Variants in LRCH3 observed in about 807,000 individuals in gnomAD.
LRCH3 encodes the protein DISP complex protein LRCH3.
In LRCH3, 68 loss-of-function variants were observed where a neutral mutation model predicts 104.5. The ratio of observed to expected loss-of-function variants is 0.65; its 90% CI spans 0.54 to 0.80. LRCH3 has a LOEUF of 0.80. Ranked by LOEUF, LRCH3 falls within the 30% of genes least tolerant of loss-of-function variation. LRCH3 has a pLI of 0.00. For synonymous variants in LRCH3, 344 were observed against 361.3 expected, an observed-to-expected ratio of 0.95 and a Z score of 0.54; for missense variants, 951 against 953.9, an observed-to-expected ratio of 1.00 and a Z score of 0.04.
At chr3:197,857,777 C>G (rs1480348331) in intron 14 of LRCH3, among the ~76,000 whole-genome samples, 2 of 152,124 alleles carry the variant, frequency 1.3e-5, no homozygotes, top group African/African-American at 4.8e-5. Context: ...CACAGTTTTG[C>G]TCTTTGGTAT....
rs149490592 is a variant in LRCH3 at position 197,807,298 on chromosome 3, G to A, written c.263-7610G>A. Among the ~76,000 whole-genome samples, 41 of 150,732 alleles carry A rather than the reference G, an allele frequency of 2.7e-4. No homozygotes were observed. The East Asian group carries it at 7.2e-3, about 26-fold the overall frequency. On this transcript the variant is annotated intron_variant, in intron 1 of 20. Transcript: ENST00000425562. ...GTGGCGCGATCTCGGGTCACTGCCA[G>A]CTCCGCCTCTCGGGTTCACACCATT...
chr3:197,866,743 C>T (rs1400202921), intron 17 of LRCH3, among the ~76,000 whole-genome samples: 1 of 152,072 alleles, frequency 6.6e-6, no homozygotes, highest in East Asian at 1.9e-4. Flanking sequence ...TGCTTGAGCC[C>T]AGGACTTCAG....
chr3:197,863,415 C>T (rs2109477602), intron 15 of LRCH3, among the ~76,000 whole-genome samples: 1 of 152,272 alleles, frequency 6.6e-6, no homozygotes, highest in East Asian at 1.9e-4. Context: ...GCGCCACCAC[C>T]ATGCCCACCT....
At chr3:197,844,679 GC>G (rs1444269954) in intron 10 of LRCH3, among the ~76,000 whole-genome samples, 2 of 151,742 alleles carry the variant, frequency 1.3e-5, no homozygotes, top group Non-Finnish European at 2.9e-5. Context: ...GTGCAGTGGC[GC>G]GATCTTGACT....
intron 1 of LRCH3, among the ~76,000 whole-genome samples, chr3:197,798,821 G>GT (rs1184846189): frequency 6.6e-6 from 1 of 152,168 alleles, no homozygotes. Context: ...GCAACTAGCC[G>GT]TAAGTGGTTA....
chr3:197,879,421 C>T (rs112819569), intron 20 of LRCH3, among the ~76,000 whole-genome samples: 19,012 of 150,644 alleles, frequency 0.13, 2,938 homozygotes, highest in African/African-American at 0.37. Flanking sequence ...CCGAGGTGGG[C>T]GGATCACGAG....
chr3:197,881,269 T>C (rs1228137607), intron 20 of LRCH3: 2 of 994,246 alleles, frequency 2.0e-6, no homozygotes, highest in Middle Eastern at 5.2e-4. Context: ...CACAGGTCCA[T>C]ATAAGCATTT....
intron 1 of LRCH3, among the ~76,000 whole-genome samples, chr3:197,813,680 G>A (rs1216935830): frequency 2.6e-5 from 4 of 151,748 alleles, no homozygotes; most frequent in African/African-American, 4.8e-5. Context: ...ACAGGTGTGT[G>A]CCACCATGCC....
At chr3:197,839,213 GT>G (rs1267512913) in intron 9 of LRCH3, 107 bp from the exon 10 acceptor site, 3 of 689,048 alleles carry the variant, frequency 4.4e-6, no homozygotes, top group Non-Finnish European at 7.1e-6. Flanking sequence ...CTATTAAAAT[GT>G]TTTTTAGTGT....
At chr3:197,838,237 T>TA (rs1292555000) in intron 9 of LRCH3, among the ~76,000 whole-genome samples, 4 of 152,224 alleles carry the variant, frequency 2.6e-5, no homozygotes, top group Admixed American at 2.6e-4. Flanking sequence ...CTGGGCCACA[T>TA]AGCGACACTC....
chr3:197,832,016 G>A (rs1736011481), intron 7 of LRCH3, among the ~76,000 whole-genome samples, 181 bp from the exon 8 acceptor site: 2 of 152,142 alleles, frequency 1.3e-5, no homozygotes, highest in Admixed American at 1.3e-4. Context: ...CTGGGCTGAA[G>A]CGATCGTCTC....
chr3:197,852,304 C>T (rs1454395753), intron 12 of LRCH3: 5 of 408,770 alleles, frequency 1.2e-5, no homozygotes, highest in African/African-American at 4.0e-5. Flanking sequence ...TCGAGTGATA[C>T]TAAAGCCATT....
rs199953592 is a variant in LRCH3 at position 197,838,086 on chromosome 3, C to T, written c.1252-1235C>T. On this transcript the variant is annotated intron_variant, in intron 9 of 20. Transcript: ENST00000425562. Reference sequence around the variant, plus strand: ...AAAAAAAAAAAACTAGGGTGGTAAGCCACTGGTACAGCGTCCTAGGAGAGA... The same window carrying T: ...AAAAAAAAAAAACTAGGGTGGTAAGTCACTGGTACAGCGTCCTAGGAGAGA... 8.6e-5 allele frequency among the ~76,000 whole-genome samples: 13 copies of T among 151,718 alleles called. No homozygotes were observed. In the East Asian group the frequency reaches 2.1e-3, roughly 25 times the overall value.
chr3:197,888,322 A>G lies in LRCH3; in HGVS notation c.*4656A>G, dbSNP rs570925963. ...GTATTTTTGTCTGTAAATATATTGC[A>G]TAAGTTCTAAGTATAAATATGTCAG... On this transcript the variant is annotated 3_prime_UTR_variant, in exon 21 of 21. Transcript: ENST00000425562. 19 of 152,370 alleles carry G rather than the reference A, an allele frequency of 1.2e-4. No homozygotes were observed. The highest frequency in any genetic ancestry group is 3.4e-4 in the African/African-American group (14 of 41,590). The allele number at this position is 152,370 out of a possible 1,614,324, so 9.4% of individuals were successfully genotyped here.
chr3:197,880,277 A>G (rs1187386012), intron 20 of LRCH3, among the ~76,000 whole-genome samples: 1 of 152,208 alleles, frequency 6.6e-6, no homozygotes, highest in Non-Finnish European at 1.5e-5. Context: ...CAGACCAGTC[A>G]CCAACAAACG....
chr3:197,793,587 C>T (rs958264488), intron 1 of LRCH3, among the ~76,000 whole-genome samples: 10 of 152,134 alleles, frequency 6.6e-5, no homozygotes, highest in Admixed American at 2.0e-4. Context: ...CTAGGAGCAC[C>T]GTGTTGAGTC....
chr3:197,791,633 C>T (rs563955576), intron 1 of LRCH3, 93 bp downstream of exon 1: 8 of 1,382,642 alleles, frequency 5.8e-6, no homozygotes, highest in African/African-American at 3.1e-5. Flanking sequence ...GTTACAGCAG[C>T]TCGTCCCGTA....
chr3:197,861,654 A>G (rs1740897642), intron 15 of LRCH3, among the ~76,000 whole-genome samples: 2 of 152,172 alleles, frequency 1.3e-5, no homozygotes, highest in South Asian at 2.1e-4. Context: ...TTTCACAGCA[A>G]TTATACATTA....
At chr3:197,793,809 A>C (rs1263811345) in intron 1 of LRCH3, among the ~76,000 whole-genome samples, 1 of 152,244 alleles carries the variant, frequency 6.6e-6, no homozygotes, top group East Asian at 1.9e-4. Context: ...AAGGTATTTT[A>C]TAAGCTATTA....
Sources: gnomAD v4.1 joint callset for allele counts (sites outside exome capture counted in the v4.1 genomes callset) on GRCh38, gnomAD v4.1.1 for gene constraint, MANE v1.5 for transcripts, NCBI Gene and HGNC (gene_info 2026-07-23, HGNC 2026-07-21) for gene names.